Variants in CNTN4 observed in about 807,000 individuals in gnomAD.
CNTN4 encodes the protein contactin-4.
A neutral mutation model predicts 122.5 loss-of-function variants in CNTN4; 77 were observed. That is an observed-to-expected ratio of 0.63 (90% CI 0.52 to 0.76). The LOEUF (loss-of-function observed/expected upper bound fraction) is 0.76, where lower values mean the gene tolerates loss of function less well. Among genes scored for constraint, CNTN4 ranks in the 30% least tolerant of loss-of-function variants. CNTN4 has a pLI of 0.00. For synonymous variants in CNTN4, 512 were observed against 447.0 expected, an observed-to-expected ratio of 1.15 and a Z score of -1.83; for missense variants, 1,256 against 1,259.1, an observed-to-expected ratio of 1.00 and a Z score of 0.04.
At chr3:2,503,702 A>T (rs893461081) in intron 3 of CNTN4, among the ~76,000 whole-genome samples, 1 of 152,048 alleles carries the variant, frequency 6.6e-6, no homozygotes, top group Admixed American at 6.6e-5. Flanking sequence ...TTTTTTTTTA[A>T]TAAAGTGGGT....
At chr3:2,673,891 A>T (rs1022123546) in intron 4 of CNTN4, among the ~76,000 whole-genome samples, 1 of 152,060 alleles carries the variant, frequency 6.6e-6, no homozygotes, top group African/African-American at 2.4e-5. Context: ...GTCATCTTGG[A>T]ATGTTGCTTT....
At chr3:2,349,833 C>G (rs1416612847) in intron 3 of CNTN4, among the ~76,000 whole-genome samples, 1 of 152,056 alleles carries the variant, frequency 6.6e-6, no homozygotes, top group Non-Finnish European at 1.5e-5. Context: ...TTGAAACAAC[C>G]CGAAACAAGC....
At chr3:2,921,385 G>T (rs2094428639) in intron 12 of CNTN4, among the ~76,000 whole-genome samples, 1 of 152,172 alleles carries the variant, frequency 6.6e-6, no homozygotes, top group African/African-American at 2.4e-5. Context: ...AGTGGACCTA[G>T]AAAGAAGAAA....
intron 4 of CNTN4, among the ~76,000 whole-genome samples, chr3:2,682,508 T>C (rs1472426383): frequency 6.6e-6 from 1 of 152,192 alleles, no homozygotes; most frequent in Non-Finnish European, 1.5e-5. Flanking sequence ...GTAATCCACG[T>C]GCATTTAGTT....
chr3:2,804,282 T>G (rs758169752), intron 6 of CNTN4, among the ~76,000 whole-genome samples: 2 of 152,142 alleles, frequency 1.3e-5, no homozygotes, highest in Non-Finnish European at 2.9e-5. Context: ...ATTATTTGTT[T>G]TCTTTGTTTG....
At position 2,426,050 on chromosome 3, in the gene CNTN4, G is replaced by A. The variant is rs111702478; in HGVS notation, c.-89+86817G>A. Among the ~76,000 whole-genome samples, 128 of 152,140 alleles carry A rather than the reference G, an allele frequency of 8.4e-4. No individual in the cohort carries two copies. The Middle Eastern group carries it at 0.027, about 32-fold the overall frequency. On this transcript the variant is annotated intron_variant, in intron 3 of 24. Coordinates refer to ENST00000418658, the MANE Select transcript of CNTN4 (RefSeq NM_175607.3). Reference sequence around the variant, plus strand: ...TGACTTCCTCTTTTCCTAATTGAATGCCCTTTATTTCCTTCTCCTGCCTGA... The same window carrying A: ...TGACTTCCTCTTTTCCTAATTGAATACCCTTTATTTCCTTCTCCTGCCTGA...
chr3:2,927,876 A>G (rs1212554427), intron 13 of CNTN4, among the ~76,000 whole-genome samples: 2 of 152,204 alleles, frequency 1.3e-5, no homozygotes, highest in Non-Finnish European at 2.9e-5. Flanking sequence ...GCTAGTCCCA[A>G]ACTATCAATA....
intron 4 of CNTN4, among the ~76,000 whole-genome samples, chr3:2,648,210 A>C (rs2083212428): frequency 6.6e-6 from 1 of 152,150 alleles, no homozygotes; most frequent in Admixed American, 6.5e-5. Flanking sequence ...TAGCCTGCAG[A>C]TATTTGAAAA....
intron 2 of CNTN4, among the ~76,000 whole-genome samples, chr3:2,304,846 A>T (rs1019496022): frequency 6.6e-6 from 1 of 151,126 alleles, no homozygotes; most frequent in Non-Finnish European, 1.5e-5. Flanking sequence ...TGTCTTTGTA[A>T]TAATCTGGTA....
rs527698053 is a variant in CNTN4 at position 2,546,989 on chromosome 3, T to C, written c.-88-24427T>C. Among the ~76,000 whole-genome samples the C allele has an allele frequency of 7.9e-5, 12 of 152,246 alleles. No homozygotes were observed. In the East Asian group the frequency reaches 2.3e-3, roughly 29 times the overall value. On this transcript the variant is annotated intron_variant, in intron 3 of 24. Coordinates refer to ENST00000418658, the MANE Select transcript of CNTN4 (RefSeq NM_175607.3). ...TGAGTACTTGAGAGATCCCACGTAA[T>C]ATTGATTAATCTGCACCAGAACATC...
rs575041010 is a variant in CNTN4, at chr3:2,711,614, C to G, written c.56-24601C>G. ...AAAGGGGGTTTCCATCAGCACCACT[C>G]TTCAAACCAGAAATGCTAAACGCAG... is the stretch of plus-strand genomic sequence containing the variant. On this transcript the variant is annotated intron_variant, in intron 4 of 24. Coordinates refer to ENST00000418658, the MANE Select transcript of CNTN4 (RefSeq NM_175607.3). Among the ~76,000 whole-genome samples, 19 of 152,268 alleles carry G rather than the reference C, an allele frequency of 1.2e-4. No individual in the cohort carries two copies. In the South Asian group the frequency reaches 3.7e-3, roughly 30 times the overall value.
chr3:2,571,023 T>G (rs1193606885), intron 3 of CNTN4, among the ~76,000 whole-genome samples: 1 of 151,802 alleles, frequency 6.6e-6, no homozygotes, highest in Non-Finnish European at 1.5e-5. Flanking sequence ...CCACCAGTGT[T>G]AAGCCTATCT....
chr3:2,182,982 C>A (rs1439316583), intron 2 of CNTN4, among the ~76,000 whole-genome samples: 3 of 152,206 alleles, frequency 2.0e-5, no homozygotes, highest in Non-Finnish European at 4.4e-5. Flanking sequence ...ATGAAAAGAA[C>A]TATATCCATA....
chr3:2,249,448 C>A (rs776557190), intron 2 of CNTN4, among the ~76,000 whole-genome samples: 5 of 151,820 alleles, frequency 3.3e-5, no homozygotes, highest in Admixed American at 6.6e-5. Flanking sequence ...TTTTCCAGGA[C>A]AGTTAGTGTG....
Position 2,747,374 on chromosome 3 carries a change from A to C in CNTN4, c.358+1677A>C, listed in dbSNP as rs553375390. Among the ~76,000 whole-genome samples the C allele has an allele frequency of 4.0e-4, 61 of 151,028 alleles. 1 individual carries two copies. In the South Asian group the frequency reaches 0.011, roughly 28 times the overall value. ...CAGTGAGCCGAGATGGCGCCACTGG[A>C]CTCCAGCCTGGGCGACAGAGCGAGA... On this transcript the variant is annotated intron_variant, in intron 6 of 24. Coordinates refer to ENST00000418658, the MANE Select transcript of CNTN4 (RefSeq NM_175607.3).
rs147430880 is a variant in CNTN4 at position 2,797,530 on chromosome 3, G to A, written c.359-21956G>A. ...GGAGAATCACTTAAACCTGGGAGGC[G>A]GAAGTTGCAGTGAGCCGAGATCGCG... is the stretch of plus-strand genomic sequence containing the variant. On this transcript the variant is annotated intron_variant, in intron 6 of 24. Coordinates refer to ENST00000418658, the MANE Select transcript of CNTN4 (RefSeq NM_175607.3). 6.0e-3 allele frequency among the ~76,000 whole-genome samples: 914 copies of A among 152,220 alleles called. 11 individuals are homozygous for A. Among genetic ancestry groups the A allele is most frequent in the African/African-American group, 0.02 (815 of 41,530 alleles).
At chr3:3,002,606 G>A (rs931745853) in intron 14 of CNTN4, among the ~76,000 whole-genome samples, 1 of 152,088 alleles carries the variant, frequency 6.6e-6, no homozygotes, top group African/African-American at 2.4e-5. Flanking sequence ...GTACATCTGG[G>A]GGCTGGTTCC....
chr3:2,376,920 G>C (rs559440216), intron 3 of CNTN4, among the ~76,000 whole-genome samples: 2 of 152,202 alleles, frequency 1.3e-5, no homozygotes, highest in South Asian at 4.1e-4. Context: ...CACTTTGGGA[G>C]ACTGAGGCGG....
intron 2 of CNTN4, among the ~76,000 whole-genome samples, chr3:2,117,493 C>T (rs2033436929): frequency 6.6e-6 from 1 of 152,166 alleles, no homozygotes; most frequent in African/African-American, 2.4e-5. Context: ...CATTGGTGAT[C>T]AACCTCACCC....
Sources: allele counts gnomAD v4.1 joint callset (sites outside exome capture counted in the v4.1 genomes callset), GRCh38; gene constraint gnomAD v4.1.1; transcripts MANE v1.5; gene names NCBI Gene and HGNC (gene_info 2026-07-23, HGNC 2026-07-21).